Variants in DHRS2 observed in about 807,000 individuals in gnomAD.
DHRS2 encodes the protein dehydrogenase/reductase SDR family member 2, mitochondrial.
A neutral mutation model predicts 26.3 loss-of-function variants in DHRS2; 29 were observed. The ratio of observed to expected loss-of-function variants is 1.10; its 90% CI spans 0.82 to 1.50. The LOEUF (loss-of-function observed/expected upper bound fraction) is 1.50, where lower values mean the gene tolerates loss of function less well. Ranked by LOEUF, DHRS2 falls within the 40% of genes most tolerant of loss-of-function variation. DHRS2 has a pLI of 0.00. For missense variants in DHRS2, 439 were observed against 367.1 expected, an observed-to-expected ratio of 1.20 and a Z score of -1.60; for synonymous variants, 164 against 151.3, an observed-to-expected ratio of 1.08 and a Z score of -0.62.
In DHRS2 at chr14:23,645,413, G is replaced by A. The variant is rs535440557; in HGVS notation, c.*160G>A. 84 of 1,456,542 alleles carry A rather than the reference G, an allele frequency of 5.8e-5. 3 individuals carry two copies. In the South Asian group the frequency reaches 1.0e-3, roughly 17 times the overall value. The allele number at this position is 1,456,542 out of a possible 1,614,324, so 90.2% of individuals were successfully genotyped here. Reference sequence around the variant, plus strand: ...CTTGAGGAAGAAGAAAAACGCTTCGGCATTCTCCTTAGGACTTATCTGCTT... The same window carrying A: ...CTTGAGGAAGAAGAAAAACGCTTCGACATTCTCCTTAGGACTTATCTGCTT... On this transcript the variant is annotated 3_prime_UTR_variant, in exon 9 of 9. Transcript: ENST00000250383.
At chr14:23,644,237 A>C (rs1890781797) in intron 6 of DHRS2, 75 bp downstream of exon 6, 2 of 1,583,326 alleles carry the variant, frequency 1.3e-6, no homozygotes, top group Non-Finnish European at 1.7e-6. Context: ...AGAGCCTTAC[A>C]GACAAAGTGC....
upstream of DHRS2, chr14:23,636,313 T>C (rs1437688358): frequency 6.6e-6 from 1 of 152,040 alleles, no homozygotes; most frequent in African/African-American, 2.4e-5. Flanking sequence ...ATCAGCAGGA[T>C]GTGGGTGTGG....
At position 23,645,492 on chromosome 14, in the gene DHRS2, G is replaced by A. The variant is rs1890842781; in HGVS notation, c.*239G>A. The A allele has an allele frequency of 1.5e-5, 11 of 720,404 alleles. No individual in the cohort carries two copies. The highest frequency in any genetic ancestry group is 2.3e-5 in the South Asian group (1 of 42,614). The allele number at this position is 720,404 out of a possible 1,614,324, so 44.6% of individuals were successfully genotyped here. ...GGGGTTCTTGGTGTGGGTCTGGGGA[G>A]CTGAAGGATTTTATGGAGCTGGTGC... is the stretch of plus-strand genomic sequence containing the variant. On this transcript the variant is annotated 3_prime_UTR_variant, in exon 9 of 9. Transcript: ENST00000250383.
chr14:23,645,394 G>A lies in DHRS2; in HGVS notation c.*141G>A, dbSNP rs1890839073. ...GGGGCTTACTCATGCTAGGCTTGAG[G>A]AAGAAGAAAAACGCTTCGGCATTCT... On this transcript the variant is annotated 3_prime_UTR_variant, in exon 9 of 9. Transcript: ENST00000250383. The A allele has an allele frequency of 3.9e-6, 6 of 1,537,194 alleles. No individual in the cohort carries two copies. The South Asian group carries it at 7.1e-5, about 18-fold the overall frequency.
intron 1 of DHRS2, among the ~76,000 whole-genome samples, chr14:23,631,033 G>A (rs933957210): frequency 2.0e-5 from 3 of 152,184 alleles, no homozygotes; most frequent in Non-Finnish European, 2.9e-5. Flanking sequence ...CAGACTCTTA[G>A]TTAAATCTCT....
chr14:23,645,206 G>A lies in DHRS2; in HGVS notation c.796G>A (p.Val266Ile), dbSNP rs775359030. The A allele has an allele frequency of 4.4e-5, 71 of 1,614,062 alleles. No individual in the cohort carries two copies. Among genetic ancestry groups the A allele is most frequent in the Non-Finnish European group, 5.3e-5 (63 of 1,180,052 alleles). ...SFLCSPDASYVNGENIAVAGY... is the reference protein window; with the variant it reads ...SFLCSPDASYINGENIAVAGY... The stretch of plus-strand genomic sequence containing the variant: ...CCTGTGCTCTCCAGATGCCAGCTAC[G>A]TCAACGGGGAGAACATTGCGGTGGC... The change falls in exon 9 of 9, where the codon GTC becomes ATC. Residue 266 changes from valine to isoleucine, a missense_variant. Val to Ile is a conservative substitution (Grantham distance 29). Transcript: ENST00000250383.
intron 5 of DHRS2, 49 bp from the exon 6 acceptor site, chr14:23,644,062 C>T: frequency 3.8e-6 from 6 of 1,572,072 alleles, no homozygotes; most frequent in Non-Finnish European, 5.3e-6. Flanking sequence ...GTGTCACCAT[C>T]AGTGGTAAGC....
intron 4 of DHRS2, 155 bp downstream of exon 4, chr14:23,640,050 A>G (rs1890574326): frequency 1.2e-5 from 9 of 742,098 alleles, no homozygotes; most frequent in African/African-American, 1.8e-5. Flanking sequence ...CTGTCTCCCA[A>G]AATGTGCCCG....
At chr14:23,644,004 A>T (rs919303037) in intron 5 of DHRS2, 107 bp from the exon 6 acceptor site, 1 of 1,127,544 alleles carries the variant, frequency 8.9e-7, no homozygotes, top group Non-Finnish European at 1.4e-6. Flanking sequence ...CAGTAATAGG[A>T]CCTGTGTTGC....
Position 23,644,471 on chromosome 14 carries a change from G to A in DHRS2, c.603G>A (p.Leu201=). 1 of 1,614,226 alleles carries A rather than the reference G, an allele frequency of 6.2e-7. No homozygotes were observed. The highest frequency in any genetic ancestry group is 1.7e-4 in the Middle Eastern group (1 of 6,060). ...TGGGTCTCACTAGAACACTGGCATT[G>A]GAGCTGGCCCCCAAGGACATCCGGG... The part of the protein sequence containing the change: ...ALLGLTRTLA[L]ELAPKDIRVN... The change falls in exon 7 of 9, where the codon TTG becomes TTA. Residue 201 remains leucine (L), a synonymous_variant. Transcript: ENST00000250383.
At chr14:23,635,718 G>T (rs1269691498), upstream of DHRS2, among the ~76,000 whole-genome samples, 1 of 152,250 alleles carries the variant, frequency 6.6e-6, no homozygotes, top group East Asian at 1.9e-4. Flanking sequence ...GAGCCCTTCA[G>T]CCCACCACTG....
chr14:23,641,203 C>G (rs1220964753), intron 4 of DHRS2: 1 of 161,890 alleles, frequency 6.2e-6, no homozygotes, highest in East Asian at 1.8e-4. Flanking sequence ...CTGCTTTCAA[C>G]TAAATGTGTT....
At chr14:23,634,279 G>A (rs1167752060), upstream of DHRS2, among the ~76,000 whole-genome samples, 1 of 151,960 alleles carries the variant, frequency 6.6e-6, no homozygotes, top group East Asian at 1.9e-4. Context: ...TGTTGGCTAG[G>A]CTGGTCTCCA....
chr14:23,643,556 G>T lies in DHRS2; in HGVS notation c.488+337G>T, dbSNP rs1267538469. On this transcript the variant is annotated intron_variant, in intron 5 of 8. Transcript: ENST00000250383. ...TCTTACCAACTTAAAACCAATGACA[G>T]GGTTAGCCCCATTCCTCTCCATAGG... 2.8e-5 allele frequency: 9 copies of T among 322,244 alleles called. No homozygotes were observed. The East Asian group carries it at 5.7e-4, about 20-fold the overall frequency. The allele number at this position is 322,244 out of a possible 1,614,324, so 20.0% of individuals were successfully genotyped here.
chr14:23,643,140 C>G lies in DHRS2; in HGVS notation c.421-12C>G. ...TCTCTCTGCCCTCACCCATGCTCTGCTCTGATTTCAGATCCTAAGTGTGAA... is the reference window on the plus strand; with the variant it reads ...TCTCTCTGCCCTCACCCATGCTCTGGTCTGATTTCAGATCCTAAGTGTGAA... On this transcript the variant is annotated splice_polypyrimidine_tract_variant and intron_variant, in intron 4 of 8. Coordinates refer to ENST00000250383, the MANE Select transcript of DHRS2 (RefSeq NM_005794.4). 6.2e-7 allele frequency: 1 copy of G among 1,613,954 alleles called. No homozygotes were observed. The highest frequency in any genetic ancestry group is 8.5e-7 in the Non-Finnish European group (1 of 1,179,928).
chr14:23,642,048 CAG>C, intron 4 of DHRS2: 1 of 1,092,542 alleles, frequency 9.2e-7, no homozygotes, highest in Non-Finnish European at 1.1e-6. Flanking sequence ...ACCCACCAGA[CAG>C]AGCTTCCAGA....
chr14:23,638,416 TG>T, intron 1 of DHRS2: 1 of 187,860 alleles, frequency 5.3e-6, no homozygotes, highest in Non-Finnish European at 1.1e-5. Flanking sequence ...AATTAATAAC[TG>T]GTATAATTAT....
chr14:23,638,339 G>C (rs147267218), intron 1 of DHRS2: 3 of 172,642 alleles, frequency 1.7e-5, no homozygotes, highest in African/African-American at 7.2e-5. Context: ...TCATTGCGAG[G>C]GTCCGTGGCT....
intron 4 of DHRS2, chr14:23,640,691 C>T (rs912126358): frequency 1.3e-5 from 2 of 153,696 alleles, no homozygotes; most frequent in African/African-American, 4.8e-5. Context: ...GTTCTGCCTT[C>T]CCTAGATCCT....
Sources: allele counts gnomAD v4.1 joint callset (sites outside exome capture counted in the v4.1 genomes callset), GRCh38; gene constraint gnomAD v4.1.1; transcripts MANE v1.5; gene names NCBI Gene and HGNC (gene_info 2026-07-23, HGNC 2026-07-21).